Variants in EPHA7 observed in about 807,000 individuals in gnomAD.
EPHA7 encodes EPH receptor A7.
In EPHA7, 25 loss-of-function variants were observed where a neutral mutation model predicts 112.6. That is an observed-to-expected ratio of 0.22 (90% CI 0.16 to 0.31). EPHA7 has a LOEUF of 0.31. Among genes scored for constraint, EPHA7 ranks in the 10% least tolerant of loss-of-function variants. EPHA7 has a pLI of 1.00. For missense variants in EPHA7, 962 were observed against 1,212.6 expected, an observed-to-expected ratio of 0.79 and a Z score of 3.07; for synonymous variants, 437 against 406.5, an observed-to-expected ratio of 1.07 and a Z score of -0.90.
chr6:93,331,227 A>G (rs1245216571), intron 5 of EPHA7, among the ~76,000 whole-genome samples: 1 of 151,542 alleles, frequency 6.6e-6, no homozygotes, highest in Non-Finnish European at 1.5e-5. Flanking sequence ...TAAGAAAAGA[A>G]GTAAACAGAG....
chr6:93,409,630 A>C (rs902376474), intron 3 of EPHA7: 1 of 151,932 alleles, frequency 6.6e-6, no homozygotes, highest in Non-Finnish European at 1.5e-5. Context: ...ATTATGTTTT[A>C]TATAAGTTAA....
In EPHA7 at chr6:93,259,281, C is replaced by A. The variant is rs182470459; in HGVS notation, c.1924+73G>T. ...CTATACTTGAGGGATAATTATTTGC[C>A]TGTCATTATGATGTATGACTTTCGA... On this transcript the variant is annotated intron_variant, in intron 10 of 16. Coordinates refer to ENST00000369303, the MANE Select transcript of EPHA7 (RefSeq NM_004440.4). 33 of 1,573,800 alleles carry A rather than the reference C, an allele frequency of 2.1e-5. No homozygotes were observed. In the African/African-American group the frequency reaches 3.9e-4, roughly 19 times the overall value.
At chr6:93,389,656 T>C (rs946466771) in intron 3 of EPHA7, among the ~76,000 whole-genome samples, 2 of 151,992 alleles carry the variant, frequency 1.3e-5, no homozygotes, top group African/African-American at 4.8e-5. Flanking sequence ...TTGGAATAAA[T>C]TAGCTATAAT....
Position 93,242,508 on chromosome 6 carries a change from G to T in EPHA7, c.*918C>A, listed in dbSNP as rs933524089. 2 of 199,762 alleles carry T rather than the reference G, an allele frequency of 1.0e-5. No homozygotes were observed. Among genetic ancestry groups the T allele is most frequent in the Non-Finnish European group, 2.1e-5 (2 of 96,578 alleles). The allele number at this position is 199,762 out of a possible 1,614,324, so 12.4% of individuals were successfully genotyped here. On this transcript the variant is annotated 3_prime_UTR_variant, in exon 17 of 17. Transcript: ENST00000369303. ...TCAGATTAATTTTTAGATAACACTG[G>T]ATAGTTCTGCTTTCAGAGACTTGCC...
chr6:93,342,686 G>T (rs1350049983), intron 5 of EPHA7, among the ~76,000 whole-genome samples: 1 of 151,706 alleles, frequency 6.6e-6, no homozygotes, highest in East Asian at 1.9e-4. Context: ...AAAAAATACT[G>T]TTTTATAAGG....
At chr6:93,248,711 A>C (rs1328247376) in intron 14 of EPHA7, among the ~76,000 whole-genome samples, 2 of 151,636 alleles carry the variant, frequency 1.3e-5, no homozygotes, top group Non-Finnish European at 2.9e-5. Flanking sequence ...ACAACAAAAA[A>C]CGGAGTCTTG....
At chr6:93,306,751 T>G (rs935374414) in intron 5 of EPHA7, among the ~76,000 whole-genome samples, 2 of 152,004 alleles carry the variant, frequency 1.3e-5, no homozygotes, top group Non-Finnish European at 2.9e-5. Flanking sequence ...TCAAATTAAC[T>G]TTCCAAAGCA....
At chr6:93,393,868 G>GA (rs896871187) in intron 3 of EPHA7, among the ~76,000 whole-genome samples, 12 of 151,254 alleles carry the variant, frequency 7.9e-5, no homozygotes, top group East Asian at 5.8e-4. Flanking sequence ...TGAGGTTTCT[G>GA]AAAAAAAAGT....
chr6:93,291,015 C>T (rs1772331410), intron 5 of EPHA7, among the ~76,000 whole-genome samples: 1 of 152,156 alleles, frequency 6.6e-6, no homozygotes, highest in Admixed American at 6.5e-5. Flanking sequence ...TAGATGTTCA[C>T]TTACTATTTG....
chr6:93,369,228 C>T (rs931819666), intron 3 of EPHA7, among the ~76,000 whole-genome samples: 3 of 149,356 alleles, frequency 2.0e-5, no homozygotes, highest in Admixed American at 6.6e-5. Flanking sequence ...TTGCAAGATA[C>T]ATAGAATTTT....
chr6:93,285,423 G>A lies in EPHA7; in HGVS notation c.1325-13001C>T, dbSNP rs552631008. 3.4e-4 allele frequency among the ~76,000 whole-genome samples: 51 copies of A among 152,130 alleles called. 1 individual carries two copies. Among genetic ancestry groups the A allele is most frequent in the Non-Finnish European group, 6.2e-4 (42 of 68,008 alleles). Reference sequence around the variant, plus strand: ...TTGTAATTTCATTGTTTGTAATTTGGAGTTAACACAGAAGTAATATCAGAA... The same window carrying A: ...TTGTAATTTCATTGTTTGTAATTTGAAGTTAACACAGAAGTAATATCAGAA... On this transcript the variant is annotated intron_variant, in intron 5 of 16. Transcript: ENST00000369303.
chr6:93,388,773 T>C (rs1777758079), intron 3 of EPHA7, among the ~76,000 whole-genome samples: 1 of 152,082 alleles, frequency 6.6e-6, no homozygotes, highest in African/African-American at 2.4e-5. Context: ...AGGATATTTA[T>C]TCAGTGTCAT....
chr6:93,359,531 T>C (rs935147182), intron 3 of EPHA7, among the ~76,000 whole-genome samples: 11 of 151,944 alleles, frequency 7.2e-5, no homozygotes, highest in African/African-American at 2.7e-4. Flanking sequence ...TTTAATTTAT[T>C]GGCTGAAAGT....
chr6:93,285,204 T>G (rs1772002724), intron 5 of EPHA7, among the ~76,000 whole-genome samples: 1 of 152,222 alleles, frequency 6.6e-6, no homozygotes, highest in Non-Finnish European at 1.5e-5. Flanking sequence ...TGATTAGCTT[T>G]GCAACTTCTA....
intron 16 of EPHA7, among the ~76,000 whole-genome samples, chr6:93,244,035 G>A (rs982909499): frequency 6.6e-6 from 1 of 151,924 alleles, no homozygotes; most frequent in Non-Finnish European, 1.5e-5. Context: ...CATATTATTG[G>A]TTATCTACTT....
At chr6:93,373,217 T>C (rs1776889766) in intron 3 of EPHA7, among the ~76,000 whole-genome samples, 1 of 151,960 alleles carries the variant, frequency 6.6e-6, no homozygotes, top group Non-Finnish European at 1.5e-5. Flanking sequence ...TTTAATTTTA[T>C]TAAAATAATC....
chr6:93,257,239 T>G (rs1336822028), intron 12 of EPHA7, among the ~76,000 whole-genome samples: 1 of 152,058 alleles, frequency 6.6e-6, no homozygotes, highest in African/African-American at 2.4e-5. Context: ...GGTAATAATA[T>G]TAATGGAAAT....
chr6:93,259,721 A>T (rs1003415965), intron 9 of EPHA7, among the ~76,000 whole-genome samples: 7 of 152,002 alleles, frequency 4.6e-5, no homozygotes, highest in Non-Finnish European at 1.0e-4. Context: ...CCAGTAAATC[A>T]ACAAAAGACA....
chr6:93,371,431 G>A (rs1776791929), intron 3 of EPHA7, among the ~76,000 whole-genome samples: 1 of 152,054 alleles, frequency 6.6e-6, no homozygotes, highest in East Asian at 1.9e-4. Context: ...TACTATATAT[G>A]CCATTTTATA....
Sources: allele counts gnomAD v4.1 joint callset (sites outside exome capture counted in the v4.1 genomes callset), GRCh38; gene constraint gnomAD v4.1.1; transcripts MANE v1.5; gene names NCBI Gene and HGNC (gene_info 2026-07-23, HGNC 2026-07-21).